LRRC28: variants seen among roughly 807,000 people sequenced by gnomAD.
LRRC28 encodes the protein leucine-rich repeat-containing protein 28.
A neutral mutation model predicts 45.7 loss-of-function variants in LRRC28; 39 were observed. The observed-to-expected ratio is 0.85, with a 90% CI of 0.66 to 1.12. The LOEUF is 1.12. Ranked by LOEUF, LRRC28 falls within the 50% of genes most tolerant of loss-of-function variation. The probability of loss-of-function intolerance (pLI) is 0.00; values close to 1 mark genes in which losing one functional copy is unlikely to be tolerated. For missense variants in LRRC28, 435 were observed against 438.5 expected (o/e 0.99, Z 0.07); for synonymous variants, 206 against 178.8 (o/e 1.15, Z -1.22).
intron 5 of LRRC28, 31 bp downstream of exon 5, chr15:99,287,982 C>T: frequency 6.4e-7 from 1 of 1,570,808 alleles, no homozygotes; most frequent in Non-Finnish European, 8.6e-7. Flanking sequence ...ACTATAGTTT[C>T]TTGTCTATTA....
chr15:99,357,575 G>A (rs568764458), intron 7 of LRRC28, among the ~76,000 whole-genome samples: 1 of 152,290 alleles, frequency 6.6e-6, no homozygotes, highest in South Asian at 2.1e-4. Flanking sequence ...GTTTTGCTTA[G>A]CAGTGGGACC....
intron 2 of LRRC28, among the ~76,000 whole-genome samples, chr15:99,270,555 A>T (rs866671918): frequency 7.9e-5 from 12 of 151,710 alleles, no homozygotes; most frequent in African/African-American, 2.9e-4. Context: ...GGCTTCTTTC[A>T]CTTAGCAAAA....
At chr15:99,263,964 G>A (rs1402884356) in intron 2 of LRRC28, among the ~76,000 whole-genome samples, 1 of 152,204 alleles carries the variant, frequency 6.6e-6, no homozygotes, top group East Asian at 1.9e-4. Context: ...CTACAAAGCT[G>A]TTCTGCTTGC....
At chr15:99,340,308 A>G (rs894050532) in intron 6 of LRRC28, among the ~76,000 whole-genome samples, 6 of 152,248 alleles carry the variant, frequency 3.9e-5, no homozygotes, top group African/African-American at 1.4e-4. Flanking sequence ...GCACATGCTG[A>G]AATCCCTTCT....
chr15:99,321,279 T>G (rs1400615415), intron 5 of LRRC28, among the ~76,000 whole-genome samples: 1 of 152,224 alleles, frequency 6.6e-6, no homozygotes, highest in Non-Finnish European at 1.5e-5. Context: ...AATATTTATT[T>G]GCTTACGTGA....
At chr15:99,289,865 G>A (rs1402737307) in intron 5 of LRRC28, among the ~76,000 whole-genome samples, 7 of 147,264 alleles carry the variant, frequency 4.8e-5, no homozygotes, top group African/African-American at 7.5e-5. Context: ...CCCGGGAAGC[G>A]GAGCTTGCAG....
In LRRC28 at chr15:99,319,738, A is replaced by G. The variant is rs149573548; in HGVS notation, c.386-14185A>G. Among the ~76,000 whole-genome samples, 536 of 152,130 alleles carry G rather than the reference A, an allele frequency of 3.5e-3. 5 individuals are homozygous for G. Among genetic ancestry groups the G allele is most frequent in the African/African-American group, 0.012 (513 of 41,532 alleles). On this transcript the variant is annotated intron_variant, in intron 5 of 9. Transcript: ENST00000301981. ...ATTGGCAAGCTTGGCACCTAGACAT[A>G]AATATTTAAATCAAATTCATTTTTC...
At chr15:99,319,933 G>C (rs1271304843) in intron 5 of LRRC28, among the ~76,000 whole-genome samples, 1 of 151,944 alleles carries the variant, frequency 6.6e-6, no homozygotes, top group Non-Finnish European at 1.5e-5. Flanking sequence ...CTCCCAAGTA[G>C]CTGGGACTAC....
chr15:99,288,813 T>G (rs1976591), intron 5 of LRRC28, among the ~76,000 whole-genome samples: 116,885 of 151,640 alleles, frequency 0.77, 45,009 homozygotes, highest in Middle Eastern at 0.87. Context: ...CCAAGTAGCT[T>G]GGACTACAGG....
chr15:99,359,315 G>A (rs1305304655), intron 7 of LRRC28, among the ~76,000 whole-genome samples: 2 of 152,104 alleles, frequency 1.3e-5, no homozygotes, highest in African/African-American at 2.4e-5. Context: ...TATGACAAAG[G>A]ATTGTTATTG....
chr15:99,325,487 C>T (rs1247758890), intron 5 of LRRC28, among the ~76,000 whole-genome samples: 18 of 152,212 alleles, frequency 1.2e-4, no homozygotes, highest in Non-Finnish European at 2.6e-4. Context: ...TGGAAACACT[C>T]AGCCTCCTTG....
At chr15:99,322,413 G>A (rs1363706612) in intron 5 of LRRC28, among the ~76,000 whole-genome samples, 1 of 152,134 alleles carries the variant, frequency 6.6e-6, no homozygotes, top group Non-Finnish European at 1.5e-5. Flanking sequence ...GGTGTCAACA[G>A]TAGAGGTCTC....
chr15:99,315,747 A>G (rs1955570588), intron 5 of LRRC28, among the ~76,000 whole-genome samples: 1 of 152,172 alleles, frequency 6.6e-6, no homozygotes, highest in African/African-American at 2.4e-5. Flanking sequence ...GATAATAGTC[A>G]TGATTAAGGT....
At chr15:99,276,164 C>G (rs1597209049) in intron 2 of LRRC28, among the ~76,000 whole-genome samples, 1 of 151,918 alleles carries the variant, frequency 6.6e-6, no homozygotes, top group Non-Finnish European at 1.5e-5. Flanking sequence ...AAAACAAGCT[C>G]AGGGTTCCCA....
chr15:99,259,631 A>C (rs1207004036), intron 2 of LRRC28: 38 of 1,473,172 alleles, frequency 2.6e-5, no homozygotes, highest in Middle Eastern at 3.4e-4. Context: ...GGGCAAGGGC[A>C]TCTCTACAAA....
chr15:99,256,954 A>G (rs921516312), intron 2 of LRRC28, among the ~76,000 whole-genome samples: 1 of 152,214 alleles, frequency 6.6e-6, no homozygotes, highest in Non-Finnish European at 1.5e-5. Flanking sequence ...CTCATTTTAG[A>G]TGATTTATGA....
chr15:99,370,236 AG>A (rs1482471014), intron 9 of LRRC28, among the ~76,000 whole-genome samples: 1 of 152,256 alleles, frequency 6.6e-6, no homozygotes, highest in African/African-American at 2.4e-5. Flanking sequence ...CCAGCATATT[AG>A]CATAGAGAAA....
At chr15:99,339,611 A>G (rs917981340) in intron 6 of LRRC28, among the ~76,000 whole-genome samples, 1 of 152,024 alleles carries the variant, frequency 6.6e-6, no homozygotes, top group Non-Finnish European at 1.5e-5. Context: ...GACACTTGCA[A>G]TCCCAGCTAC....
Position 99,287,292 on chromosome 15 carries a change from A to T in LRRC28, c.245A>T (p.Glu82Val), listed in dbSNP as rs143129344. 1.3e-6 allele frequency: 2 copies of T among 1,561,854 alleles called. No individual in the cohort carries two copies. Among genetic ancestry groups the T allele is most frequent in the Admixed American group, 3.8e-5 (2 of 52,434 alleles). Reference sequence around the variant, plus strand: ...TCAAATAACATAGTTGTGGTTCCGGAAGGTATGTTTAACTTAAAAATTTTA... The same window carrying T: ...TCAAATAACATAGTTGTGGTTCCGGTAGGTATGTTTAACTTAAAAATTTTA... The part of the protein sequence containing the change: ...LHSNNIVVVP[E>V]AIGSLVKLQC... Residue 82 changes from glutamate (E) to valine (V), a missense_variant and splice_region_variant, in exon 4 of 10, where the codon GAA becomes GTA. Glu to Val is a moderately radical substitution (Grantham distance 121). Coordinates refer to ENST00000301981, the MANE Select transcript of LRRC28 (RefSeq NM_144598.5).
Sources: gnomAD v4.1 joint callset for allele counts (sites outside exome capture counted in the v4.1 genomes callset) on GRCh38, gnomAD v4.1.1 for gene constraint, MANE v1.5 for transcripts, NCBI Gene and HGNC (gene_info 2026-07-23, HGNC 2026-07-21) for gene names.